ITGAX: variants seen among roughly 807,000 people sequenced by gnomAD.
ITGAX encodes integrin subunit alpha X, also known as integrin alpha-X.
A neutral mutation model predicts 140.2 loss-of-function variants in ITGAX; 99 were observed. That is an observed-to-expected ratio of 0.71 (90% CI 0.60 to 0.83). The LOEUF (loss-of-function observed/expected upper bound fraction) is 0.83. Among genes scored for constraint, ITGAX ranks in the 40% least tolerant of loss-of-function variants. The probability of loss-of-function intolerance (pLI) is 0.00; values close to 1 mark genes in which losing one functional copy is unlikely to be tolerated. For synonymous variants in ITGAX, 631 were observed against 600.4 expected, an observed-to-expected ratio of 1.05 and a Z score of -0.75; for missense variants, 1,444 against 1,482.0, an observed-to-expected ratio of 0.97 and a Z score of 0.42.
chr16:31,369,227 G>A (rs2080927286), intron 14 of ITGAX, among the ~76,000 whole-genome samples: 5 of 143,156 alleles, frequency 3.5e-5, no homozygotes, highest in Admixed American at 1.4e-4. Flanking sequence ...GCGGCTGGCC[G>A]GGCGGGGGGC....
chr16:31,356,575 G>A lies in ITGAX; in HGVS notation c.144-50G>A, dbSNP rs536230535. On this transcript the variant is annotated intron_variant, in intron 2 of 29. Coordinates refer to ENST00000268296, the MANE Select transcript of ITGAX (RefSeq NM_000887.5). ...ACGCAAACTTGCCGGAGTGGCAGCT[G>A]TGCTGCAGCGTCCACACTCTTACCT... 39 of 1,326,426 alleles carry A rather than the reference G, an allele frequency of 2.9e-5. No homozygotes were observed. In the African/African-American group the frequency reaches 5.5e-4, roughly 19 times the overall value. 82.2% of individuals were successfully genotyped at this position (1,326,426 alleles called of 1,614,324 possible).
chr16:31,366,400 T>C (rs901873083), intron 14 of ITGAX, among the ~76,000 whole-genome samples: 2 of 152,174 alleles, frequency 1.3e-5, no homozygotes, highest in Admixed American at 1.3e-4. Flanking sequence ...TGTCTCTCTC[T>C]CCCTCTCCTG....
At chr16:31,378,678 C>T (rs1239899040) in intron 23 of ITGAX, among the ~76,000 whole-genome samples, 2 of 152,086 alleles carry the variant, frequency 1.3e-5, no homozygotes, top group African/African-American at 4.8e-5. Flanking sequence ...TGCTATGTTG[C>T]CCAGGCTGAT....
rs1412423968 is a variant in ITGAX, at chr16:31,357,418, G to A, written c.430+54G>A. 9 of 1,188,618 alleles carry A rather than the reference G, an allele frequency of 7.6e-6. No homozygotes were observed. In the East Asian group the frequency reaches 2.3e-4, roughly 30 times the overall value. The allele number at this position is 1,188,618 out of a possible 1,614,324, so 73.6% of individuals were successfully genotyped here. ...GGAGCTCACGCACATCCAATTGGGG[G>A]TGCGGTGGGCTAGAGACAGTCTTGC... On this transcript the variant is annotated intron_variant, in intron 5 of 29. Coordinates refer to ENST00000268296, the MANE Select transcript of ITGAX (RefSeq NM_000887.5).
chr16:31,379,974 T>G lies in ITGAX; in HGVS notation c.2977-8T>G. The G allele has an allele frequency of 1.9e-6, 3 of 1,613,772 alleles. No homozygotes were observed. The highest frequency in any genetic ancestry group is 1.7e-5 in the Admixed American group (1 of 60,014). On this transcript the variant is annotated splice_polypyrimidine_tract_variant and splice_region_variant and intron_variant, in intron 25 of 29. Transcript: ENST00000268296. ...GCTGAGACACTTGTTCTCTGCATTT[T>G]CCCCCAGAACCCATCCCTTCGGTGC... is the stretch of plus-strand genomic sequence containing the variant.
At chr16:31,361,531 C>T in intron 9 of ITGAX, 1 of 690,514 alleles carries the variant, frequency 1.4e-6, no homozygotes, top group Non-Finnish European at 2.6e-6. Context: ...ACCCAGCCCA[C>T]ATCCCACCAG....
At chr16:31,370,422 T>C (rs1244073546) in intron 14 of ITGAX, among the ~76,000 whole-genome samples, 1 of 152,132 alleles carries the variant, frequency 6.6e-6, no homozygotes, top group Non-Finnish European at 1.5e-5. Context: ...GACCACTCCC[T>C]ACCCCACCGC....
chr16:31,380,933 C>T lies in ITGAX; in HGVS notation c.3313C>T (p.Pro1105Ser). 1.2e-6 allele frequency: 2 copies of T among 1,614,050 alleles called. No individual in the cohort carries two copies. The highest frequency in any genetic ancestry group is 1.7e-6 in the Non-Finnish European group (2 of 1,179,998). ...GCTGGAGAAGTACAAGGTCCACAACCCCACCCCCCTCATCGTAGGCAGCTC... is the reference window on the plus strand; with the variant it reads ...GCTGGAGAAGTACAAGGTCCACAACTCCACCCCCCTCATCGTAGGCAGCTC... ...TVLEKYKVHN[P>S]TPLIVGSSIG... is the part of the protein sequence containing the mutation. Residue 1105 changes from proline (P) to serine (S), a missense_variant, in exon 29 of 30, where the codon CCC becomes TCC. By Grantham distance (74) the Pro-to-Ser change is moderately conservative. Transcript: ENST00000268296.
At chr16:31,363,470 C>T (rs970217419) in intron 14 of ITGAX, 96 bp downstream of exon 14, 2 of 1,372,408 alleles carry the variant, frequency 1.5e-6, no homozygotes, top group Non-Finnish European at 2.1e-6. Context: ...CCTTTTCCTA[C>T]CTCCCTTGCC....
At chr16:31,356,213 G>A (rs1387689221) in intron 2 of ITGAX, 6 of 514,344 alleles carry the variant, frequency 1.2e-5, no homozygotes, top group African/African-American at 7.7e-5. Flanking sequence ...ACAGGTGGAT[G>A]CTGATTTAGT....
Position 31,379,582 on chromosome 16 carries a change from C to T in ITGAX, c.2804C>T (p.Thr935Ile). Residue 935 changes from threonine (T) to isoleucine (I), a missense_variant, in exon 24 of 30, where the codon ACC (threonine) becomes ATC (isoleucine). By Grantham distance (89) the Thr-to-Ile change is moderately conservative. Coordinates refer to ENST00000268296, the MANE Select transcript of ITGAX (RefSeq NM_000887.5). The part of the protein sequence containing the change: ...YTVVSSHEQF[T>I]KYLNFSESEE... ...TCTCTCTCCAGCCACGAACAATTCA[C>T]CAAATACCTCAACTTCTCAGAGTCT... The T allele has an allele frequency of 6.4e-7, 1 of 1,561,740 alleles. No homozygotes were observed. Among genetic ancestry groups the T allele is most frequent in the Non-Finnish European group, 8.7e-7 (1 of 1,151,596 alleles).
At chr16:31,369,315 C>A (rs546550905) in intron 14 of ITGAX, among the ~76,000 whole-genome samples, 1 of 136,700 alleles carries the variant, frequency 7.3e-6, no homozygotes, top group Non-Finnish European at 1.6e-5. Flanking sequence ...CCCTCCCGGA[C>A]GGGGCAGCTG....
rs2080913872 is a variant in ITGAX, at chr16:31,368,411, TCGCTTGAAC to T, written c.1711-2671_1711-2663del. Among the ~76,000 whole-genome samples the T allele has an allele frequency of 2.0e-5, 3 of 148,010 alleles. No homozygotes were observed. In the South Asian group the frequency reaches 6.4e-4, roughly 31 times the overall value. ...TACTCAGGAGGCTGAGGCAGGAGAA[TCGCTTGAAC>T]CCCTCAGGCAAAGGTTGCAGTGAGC... On this transcript the variant is annotated intron_variant, in intron 14 of 29. Coordinates refer to ENST00000268296, the MANE Select transcript of ITGAX (RefSeq NM_000887.5).
intron 19 of ITGAX, 50 bp from the exon 20 acceptor site, chr16:31,373,199 C>A: frequency 5.8e-6 from 7 of 1,216,002 alleles, no homozygotes; most frequent in Non-Finnish European, 6.9e-6. Context: ...CAGACCATTT[C>A]TAGCCTCAGT....
intron 14 of ITGAX, among the ~76,000 whole-genome samples, chr16:31,367,066 C>A (rs1266082701): frequency 6.6e-6 from 1 of 152,186 alleles, no homozygotes; most frequent in Non-Finnish European, 1.5e-5. Flanking sequence ...GCCACAACAT[C>A]CCCTTAAGCC....
Position 31,382,794 on chromosome 16 carries a change from C to G in ITGAX, c.*887C>G. 2.2e-6 allele frequency: 1 copy of G among 447,896 alleles called. No homozygotes were observed. The highest frequency in any genetic ancestry group is 4.0e-6 in the Non-Finnish European group (1 of 248,368). The allele number at this position is 447,896 out of a possible 1,614,324, so 27.7% of individuals were successfully genotyped here. On this transcript the variant is annotated 3_prime_UTR_variant, in exon 30 of 30. Transcript: ENST00000268296. ...TGGCCCCGGTGCGGCTGCAGCTCAC[C>G]CAGCCCCAGGGGCAGAAGAGACCCA...
At chr16:31,356,318 C>T (rs1294535332) in intron 2 of ITGAX, 1 of 424,850 alleles carries the variant, frequency 2.4e-6, no homozygotes, top group Non-Finnish European at 4.2e-6. Flanking sequence ...TATATAGAGA[C>T]AGGGTCTCAC....
chr16:31,381,777 A>G (rs775249366), intron 29 of ITGAX, 26 bp from the exon 30 acceptor site: 1 of 869,710 alleles, frequency 1.1e-6, no homozygotes, highest in Non-Finnish European at 2.0e-6. Context: ...GGGCTTCCTG[A>G]GTTTCTTCTT....
chr16:31,371,164 T>C lies in ITGAX; in HGVS notation c.1791T>C (p.Asp597=), dbSNP rs776427822. 4.3e-6 allele frequency: 7 copies of C among 1,613,434 alleles called. No homozygotes were observed. Among genetic ancestry groups the C allele is most frequent in the Non-Finnish European group, 5.9e-6 (7 of 1,179,706 alleles). The change falls in exon 15 of 30, where the codon GAT becomes GAC. Residue 597 remains aspartate (D), a synonymous_variant. Transcript: ENST00000268296. ...GCGGGGGTCAAGACCTCACCCAGGATGGACTGGTGGACCTGGCTGTGGGGG... is the reference window on the plus strand; with the variant it reads ...GCGGGGGTCAAGACCTCACCCAGGACGGACTGGTGGACCTGGCTGTGGGGG... ...ALSGGQDLTQ[D]GLVDLAVGAR...
Sources: allele counts gnomAD v4.1 joint callset (sites outside exome capture counted in the v4.1 genomes callset), GRCh38; gene constraint gnomAD v4.1.1; transcripts MANE v1.5; gene names NCBI Gene and HGNC (gene_info 2026-07-23, HGNC 2026-07-21).